ABLIM3: variants seen among roughly 807,000 people sequenced by gnomAD.
The protein encoded by ABLIM3 is actin-binding LIM protein 3.
Under a neutral mutation model 109.5 loss-of-function variants are expected in ABLIM3, and 61 were observed. The ratio of observed to expected loss-of-function variants is 0.56; its 90% confidence interval spans 0.45 to 0.69. ABLIM3 has a LOEUF of 0.69. ABLIM3 is among the 30% of genes least tolerant of loss of function. ABLIM3 has a pLI of 0.00. For synonymous variants in ABLIM3, 300 were observed against 324.8 expected (o/e 0.92, Z 0.82); for missense variants, 796 against 889.5 (o/e 0.89, Z 1.34).
At chr5:149,171,570 G>A (rs1486727791) in intron 2 of ABLIM3, among the ~76,000 whole-genome samples, 1 of 152,188 alleles carries the variant, frequency 6.6e-6, no homozygotes, top group African/African-American at 2.4e-5. Flanking sequence ...CTGCTCTCCA[G>A]GTGACATAAG....
chr5:149,213,692 G>A (rs904808799), intron 7 of ABLIM3, among the ~76,000 whole-genome samples: 5 of 152,124 alleles, frequency 3.3e-5, no homozygotes, highest in East Asian at 1.9e-4. Flanking sequence ...GGCAGCTGCC[G>A]TTTCCCCGAG....
Position 149,168,184 on chromosome 5 carries a change from G to A in ABLIM3, c.14-15268G>A, listed in dbSNP as rs1036823373. On this transcript the variant is annotated intron_variant, in intron 2 of 23. Transcript: ENST00000309868. The stretch of plus-strand genomic sequence containing the variant: ...AACTGGTGAACTAGAGAAGAGATGC[G>A]GTAGAAGGCTACTGTGGTAGCCCAG... 2.6e-5 allele frequency among the ~76,000 whole-genome samples: 4 copies of A among 152,292 alleles called. No individual in the cohort carries two copies. The South Asian group carries it at 6.2e-4, about 24-fold the overall frequency.
chr5:149,207,431 TG>T (rs1759109370), intron 6 of ABLIM3, among the ~76,000 whole-genome samples: 1 of 152,202 alleles, frequency 6.6e-6, no homozygotes, highest in Non-Finnish European at 1.5e-5. Context: ...TGCCCCGTTT[TG>T]GGCCCTCAGA....
chr5:149,159,137 A>T (rs1179401847), intron 2 of ABLIM3, among the ~76,000 whole-genome samples: 3 of 152,254 alleles, frequency 2.0e-5, no homozygotes, highest in African/African-American at 7.2e-5. Context: ...ATGTTTATAT[A>T]TAGACAAATG....
At chr5:149,170,856 C>A (rs1270276088) in intron 2 of ABLIM3, among the ~76,000 whole-genome samples, 1 of 152,156 alleles carries the variant, frequency 6.6e-6, no homozygotes, top group East Asian at 1.9e-4. Context: ...CTCCTACTGT[C>A]TTTTGGTCTT....
chr5:149,207,378 G>C (rs974620972), intron 6 of ABLIM3, among the ~76,000 whole-genome samples: 14 of 151,850 alleles, frequency 9.2e-5, no homozygotes, highest in Non-Finnish European at 4.4e-5. Flanking sequence ...CTCCCTTCTG[G>C]TCTCGGTCCC....
intron 21 of ABLIM3, 26 bp from the exon 22 acceptor site, chr5:149,252,175 G>T: frequency 6.2e-7 from 1 of 1,613,634 alleles, no homozygotes; most frequent in South Asian, 1.1e-5. Flanking sequence ...TCCATTCTGT[G>T]TGTGTGTCTC....
At position 149,258,582 on chromosome 5, in the gene ABLIM3, T is replaced by G; in HGVS notation, c.*178T>G. The stretch of plus-strand genomic sequence containing the variant: ...ATATTTTTATGCTCCTTACTTTCTC[T>G]TTTCTAAGTGCTGTGGGATCTGGGA... On this transcript the variant is annotated 3_prime_UTR_variant, in exon 24 of 24. Transcript: ENST00000309868. 7.3e-7 allele frequency: 1 copy of G among 1,368,834 alleles called. No individual in the cohort carries two copies. The highest frequency in any genetic ancestry group is 1.8e-5 in the South Asian group (1 of 55,514). The allele number at this position is 1,368,834 out of a possible 1,614,324, so 84.8% of individuals were successfully genotyped here. A position where few individuals can be genotyped will look rare whatever the true frequency, so the allele number is the denominator to read the frequency against.
chr5:149,177,554 C>G (rs1443782242), intron 2 of ABLIM3, among the ~76,000 whole-genome samples: 1 of 152,200 alleles, frequency 6.6e-6, no homozygotes, highest in Non-Finnish European at 1.5e-5. Context: ...ACCTCTGCAG[C>G]CCACACAAAC....
At chr5:149,162,006 CA>C (rs1754418645) in intron 2 of ABLIM3, among the ~76,000 whole-genome samples, 1 of 152,102 alleles carries the variant, frequency 6.6e-6, no homozygotes, top group Non-Finnish European at 1.5e-5. Flanking sequence ...CCCAATTCCC[CA>C]AGCCTCAGTT....
At chr5:149,153,557 A>G (rs1289645832) in intron 2 of ABLIM3, among the ~76,000 whole-genome samples, 1 of 152,008 alleles carries the variant, frequency 6.6e-6, no homozygotes, top group African/African-American at 2.4e-5. Context: ...TGAGAGTCCC[A>G]CTCTGCAGAC....
At chr5:149,242,584 G>A (rs749425979) in intron 15 of ABLIM3, 46 bp downstream of exon 15, 17 of 1,605,142 alleles carry the variant, frequency 1.1e-5, no homozygotes, top group Admixed American at 1.7e-5. Context: ...GGAGAGGGGG[G>A]AGGTTAACCA....
rs1754285360 is a variant in ABLIM3, at chr5:149,254,814, CA to C, written c.1938+1978del. 2.6e-5 allele frequency among the ~76,000 whole-genome samples: 4 copies of C among 152,130 alleles called. No individual in the cohort carries two copies. The South Asian group carries it at 8.3e-4, about 32-fold the overall frequency. ...CATTCTCCAGGACATCAGAATCACCCAGGGACCTTTTTAAAAATACCATACA... is the reference window on the plus strand; with the variant it reads ...CATTCTCCAGGACATCAGAATCACCCGGGACCTTTTTAAAAATACCATACA... On this transcript the variant is annotated intron_variant, in intron 23 of 23. Transcript: ENST00000309868.
chr5:149,207,612 C>T (rs1759126410), intron 6 of ABLIM3, among the ~76,000 whole-genome samples: 1 of 152,158 alleles, frequency 6.6e-6, no homozygotes, highest in South Asian at 2.1e-4. Flanking sequence ...CATAACTGCC[C>T]CTTTGAGGAA....
intron 2 of ABLIM3, among the ~76,000 whole-genome samples, chr5:149,166,423 T>G (rs1754833225): frequency 6.6e-6 from 1 of 152,184 alleles, no homozygotes; most frequent in Non-Finnish European, 1.5e-5. Context: ...AGTTATTTCA[T>G]CCCTGGGCAG....
chr5:149,209,671 AC>A (rs1759348778), intron 6 of ABLIM3, among the ~76,000 whole-genome samples: 1 of 152,224 alleles, frequency 6.6e-6, no homozygotes, highest in African/African-American at 2.4e-5. Context: ...CTGCAGAGCT[AC>A]CCTCCCGCAC....
rs748688894 is a variant in ABLIM3, at chr5:149,183,524, C to T, written c.86C>T (p.Thr29Ile). The change falls in exon 3 of 24, where the codon ACC becomes ATC. Residue 29 changes from threonine (T) to isoleucine (I), a missense_variant. Physicochemically the swap from Thr to Ile is moderately conservative, Grantham distance 89. Transcript: ENST00000309868. ...ATCCAGTGCTACCGCTGTGGAGACACCTGCAAAGGGGAAGTGGTCCGCGTG... is the reference window on the plus strand; with the variant it reads ...ATCCAGTGCTACCGCTGTGGAGACATCTGCAAAGGGGAAGTGGTCCGCGTG... ...NVIQCYRCGDTCKGEVVRVHN... is the reference protein window; with the variant it reads ...NVIQCYRCGDICKGEVVRVHN... 2 of 1,600,162 alleles carry T rather than the reference C, an allele frequency of 1.2e-6. No homozygotes were observed. Among genetic ancestry groups the T allele is most frequent in the Non-Finnish European group, 1.7e-6 (2 of 1,173,758 alleles).
At chr5:149,218,343 T>C (rs1470910775) in intron 8 of ABLIM3, 2 of 152,230 alleles carry the variant, frequency 1.3e-5, no homozygotes, top group Non-Finnish European at 2.9e-5. Context: ...AGGACACTGG[T>C]CCATGACCTA....
At chr5:149,142,363 T>C (rs1752547341) in intron 2 of ABLIM3, among the ~76,000 whole-genome samples, 1 of 152,208 alleles carries the variant, frequency 6.6e-6, no homozygotes, top group Non-Finnish European at 1.5e-5. Context: ...CGTCTCCTTC[T>C]AGCACTGCCT....
Sources: allele counts gnomAD v4.1 joint callset (sites outside exome capture counted in the v4.1 genomes callset), GRCh38; gene constraint gnomAD v4.1.1; transcripts MANE v1.5; gene names NCBI Gene and HGNC (gene_info 2026-07-23, HGNC 2026-07-21).